Variants in PTPRE observed in about 807,000 individuals in gnomAD.
PTPRE encodes protein tyrosine phosphatase receptor type E, also known as receptor-type tyrosine-protein phosphatase epsilon.
In PTPRE, 51 loss-of-function variants were observed where a neutral mutation model predicts 102.0. The observed-to-expected ratio is 0.50, with a 90% confidence interval of 0.40 to 0.63. The LOEUF (loss-of-function observed/expected upper bound fraction) is 0.63. PTPRE is among the 30% of genes least tolerant of loss of function. The pLI, the probability that PTPRE is intolerant of heterozygous loss-of-function variation, is 0.00. For missense variants in PTPRE, 752 were observed against 915.1 expected, an observed-to-expected ratio of 0.82 and a Z score of 2.30; for synonymous variants, 345 against 348.2, an observed-to-expected ratio of 0.99 and a Z score of 0.10.
chr10:128,061,639 T>C (rs755197695), intron 8 of PTPRE, 40 bp from the exon 9 acceptor site: 8 of 1,567,952 alleles, frequency 5.1e-6, no homozygotes, highest in Non-Finnish European at 1.7e-6. Context: ...TCAGCAAAGA[T>C]AATTCTGAAA....
At chr10:128,062,963 A>G in intron 9 of PTPRE, 120 bp from the exon 10 acceptor site, 2 of 1,494,164 alleles carry the variant, frequency 1.3e-6, no homozygotes, top group Non-Finnish European at 1.8e-6. Context: ...GTGTGTCCCC[A>G]ACAAGCCTGA....
intron 20 of PTPRE, among the ~76,000 whole-genome samples, chr10:128,082,195 C>CTCTCTCTTTTTTTTTTTTTTTTTT (rs1554951767): frequency 1.1e-5 from 1 of 89,036 alleles, no homozygotes. Flanking sequence ...TTTTCTCTTT[C>CTCTCTCTTTTTTTTTTTTTTTTTT]TTTTTTTTTT....
chr10:127,984,287 G>A (rs1011253315), intron 2 of PTPRE, among the ~76,000 whole-genome samples: 1 of 151,768 alleles, frequency 6.6e-6, no homozygotes, highest in African/African-American at 2.4e-5. Context: ...CTGCATATTG[G>A]TCAGGCTGGT....
At position 128,070,418 on chromosome 10, in the gene PTPRE, T is replaced by G; in HGVS notation, c.1261T>G (p.Phe421Val). ...LQTMHGTTTH[F>V]DKIGLEEEFR... ...GACCATGCACGGCACCACCACCCAC[T>G]TCGACAAGATCGGGCTGGAGGAGGA... Residue 421 changes from phenylalanine (F) to valine (V), a missense_variant, in exon 14 of 21, where the codon TTC (phenylalanine) becomes GTC (valine). Phe to Val is a conservative substitution (Grantham distance 50). Transcript: ENST00000254667. The surrounding 1 kb of genome is among the most constrained non-coding windows in gnomAD (Gnocchi z 4.8). 3 of 1,614,076 alleles carry G rather than the reference T, an allele frequency of 1.9e-6. No homozygotes were observed. Among genetic ancestry groups the G allele is most frequent in the South Asian group, 2.2e-5 (2 of 91,070 alleles).
rs1421175182 is a variant in PTPRE, at chr10:128,070,329, T to C, written c.1172T>C (p.Leu391Ser). The change falls in exon 14 of 21, where the codon TTA (leucine) becomes TCA (serine). Residue 391 changes from leucine (L) to serine (S), a missense_variant. This residue lies in a region of PTPRE where 636 missense variants were observed against 824.4 expected (regional missense o/e 0.77). Transcript: ENST00000254667. This position sits in a 1 kb window ranked among gnomAD's most constrained non-coding sequence, Gnocchi z 4.8. Reference protein sequence around the residue: ...DMQYTFIYQALLEYYLYGDTE... With the variant: ...DMQYTFIYQASLEYYLYGDTE... ...CAGTACACGTTCATCTACCAAGCCT[T>C]ACTCGAGTACTACCTCTACGGGGAC... 15 of 1,613,718 alleles carry C rather than the reference T, an allele frequency of 9.3e-6. No homozygotes were observed. The highest frequency in any genetic ancestry group is 1.3e-5 in the Non-Finnish European group (15 of 1,179,832).
chr10:128,035,989 C>G (rs1457223186), intron 2 of PTPRE, among the ~76,000 whole-genome samples: 1 of 152,146 alleles, frequency 6.6e-6, no homozygotes, highest in Non-Finnish European at 1.5e-5. Context: ...CCAGGAAGGA[C>G]TCCATCTCAG....
At chr10:128,011,280 T>C (rs576812164) in intron 2 of PTPRE, among the ~76,000 whole-genome samples, 37 of 152,352 alleles carry the variant, frequency 2.4e-4, no homozygotes, top group African/African-American at 8.9e-4. Context: ...CTTAGAATGC[T>C]AGTTCCTAAT....
At chr10:127,981,135 G>A (rs1851576824) in intron 1 of PTPRE, among the ~76,000 whole-genome samples, 1 of 152,180 alleles carries the variant, frequency 6.6e-6, no homozygotes, top group African/African-American at 2.4e-5. Flanking sequence ...TAAAAGGAAT[G>A]AAGTACTGGT....
intron 2 of PTPRE, among the ~76,000 whole-genome samples, chr10:128,010,154 C>G (rs1367671554): frequency 6.6e-6 from 1 of 152,202 alleles, no homozygotes; most frequent in Non-Finnish European, 1.5e-5. Flanking sequence ...CCGACTTGTC[C>G]CCAGCCCTTC....
At chr10:127,942,967 G>T (rs1273762729) in intron 1 of PTPRE, among the ~76,000 whole-genome samples, 1 of 152,188 alleles carries the variant, frequency 6.6e-6, no homozygotes, top group Non-Finnish European at 1.5e-5. Context: ...GCACTGTTGA[G>T]ACTCGGAAGC....
At chr10:127,982,491 T>C (rs1208395751) in intron 2 of PTPRE, among the ~76,000 whole-genome samples, 195 bp downstream of exon 2, 1 of 45,176 alleles carries the variant, frequency 2.2e-5, no homozygotes, top group Non-Finnish European at 3.8e-5. Context: ...ATCATTTGCG[T>C]GTGTGTGTGT....
intron 2 of PTPRE, among the ~76,000 whole-genome samples, chr10:128,010,570 TC>T (rs1844910441): frequency 6.9e-6 from 1 of 145,802 alleles, no homozygotes; most frequent in Non-Finnish European, 1.5e-5. Context: ...TCTTTTCTTT[TC>T]TTTTCTTTTC....
chr10:127,938,840 G>A (rs2135278358), intron 1 of PTPRE, among the ~76,000 whole-genome samples: 1 of 152,166 alleles, frequency 6.6e-6, no homozygotes, highest in Admixed American at 6.5e-5. Context: ...TCATCCTCAG[G>A]ACCCAGGTCT....
chr10:128,020,360 C>T (rs769311970), intron 2 of PTPRE, among the ~76,000 whole-genome samples: 7 of 152,126 alleles, frequency 4.6e-5, no homozygotes, highest in East Asian at 1.9e-4. Flanking sequence ...AATATTATGA[C>T]GCTGAGTTCA....
At chr10:128,073,838 A>ATC (rs1850995386) in intron 17 of PTPRE, among the ~76,000 whole-genome samples, 1 of 152,184 alleles carries the variant, frequency 6.6e-6, no homozygotes, top group East Asian at 1.9e-4. Flanking sequence ...AACAATGTAC[A>ATC]TCTATCTGGG....
chr10:128,055,500 C>T (rs1004207192), intron 6 of PTPRE, among the ~76,000 whole-genome samples: 7 of 152,092 alleles, frequency 4.6e-5, no homozygotes, highest in Admixed American at 2.0e-4. Flanking sequence ...TGGTAATGTT[C>T]GTGCTGATTC....
Position 128,033,243 on chromosome 10 carries a change from C to T in PTPRE, c.-7-7632C>T, listed in dbSNP as rs148157196. Among the ~76,000 whole-genome samples, 1,487 of 152,290 alleles carry T rather than the reference C, an allele frequency of 9.8e-3. 18 individuals carry two copies. Among genetic ancestry groups the T allele is most frequent in the Middle Eastern group, 0.037 (11 of 294 alleles). On this transcript the variant is annotated intron_variant, in intron 2 of 20. Coordinates refer to ENST00000254667, the MANE Select transcript of PTPRE (RefSeq NM_006504.6). ...ACTATTCTCAGCTAATTTTGCTCAT[C>T]TTCAATTCCAGGTTTCACTGTGTGC...
chr10:128,029,207 G>A (rs1157584371), intron 2 of PTPRE, among the ~76,000 whole-genome samples: 2 of 152,158 alleles, frequency 1.3e-5, no homozygotes, highest in African/African-American at 4.8e-5. Flanking sequence ...TGGGGGCAGA[G>A]CACCTCAAGA....
rs577305510 is a variant in PTPRE, at chr10:128,045,623, G to A, written c.110-1767G>A. Among the ~76,000 whole-genome samples, 358 of 152,256 alleles carry A rather than the reference G, an allele frequency of 2.4e-3. 4 individuals are homozygous for A. In the Middle Eastern group the frequency reaches 0.024, roughly 10 times the overall value. ...TGGGCTCCAGGCTGCCCCTCCCTCC[G>A]TGTCAGGGGTCTTCCCACTCAGCCT... On this transcript the variant is annotated intron_variant, in intron 3 of 20. Coordinates refer to ENST00000254667, the MANE Select transcript of PTPRE (RefSeq NM_006504.6).
Sources: allele counts gnomAD v4.1 joint callset (sites outside exome capture counted in the v4.1 genomes callset), GRCh38; gene constraint gnomAD v4.1.1; regional missense constraint gnomAD v4.1.1; non-coding constraint Gnocchi (gnomAD v3.1); transcripts MANE v1.5; gene names NCBI Gene and HGNC (gene_info 2026-07-23, HGNC 2026-07-21).